Variants in MCCC1 observed in about 807,000 individuals in gnomAD.
The protein encoded by MCCC1 is methylcrotonoyl-CoA carboxylase subunit alpha, mitochondrial.
A neutral mutation model predicts 83.8 loss-of-function variants in MCCC1; 64 were observed. The ratio of observed to expected loss-of-function variants is 0.76; its 90% CI spans 0.62 to 0.94. The LOEUF (loss-of-function observed/expected upper bound fraction) is 0.94, where lower values mean the gene tolerates loss of function less well. Ranked by LOEUF, MCCC1 falls within the 40% of genes least tolerant of loss-of-function variation. The pLI is 0.00. For synonymous variants in MCCC1, 322 were observed against 315.4 expected (o/e 1.02, Z -0.22); for missense variants, 807 against 904.7 (o/e 0.89, Z 1.39).
rs371697943 is a variant in MCCC1, at chr3:183,110,013, G to A, written c.-102+5461C>T. The stretch of plus-strand genomic sequence containing the variant: ...TTTCTCTAATGATTAGTGATATTGA[G>A]AATTTTTTTCATATATTTGTTGGCT... On this transcript the variant is annotated intron_variant, in intron 1 of 17. Coordinates refer to the MCCC1 transcript ENST00000492597. 1.2e-4 allele frequency among the ~76,000 whole-genome samples: 18 copies of A among 152,260 alleles called. No homozygotes were observed. The East Asian group carries it at 2.7e-3, about 23-fold the overall frequency.
chr3:183,044,552 C>G (rs944339108), intron 10 of MCCC1, among the ~76,000 whole-genome samples: 6 of 152,192 alleles, frequency 3.9e-5, no homozygotes, highest in Non-Finnish European at 7.3e-5. Flanking sequence ...CTCCTTGGCT[C>G]TTCATTCCCA....
intron 1 of MCCC1, among the ~76,000 whole-genome samples, chr3:183,110,370 A>C (rs371903018): frequency 2.0e-5 from 3 of 150,218 alleles, no homozygotes; most frequent in African/African-American, 7.4e-5. Flanking sequence ...GGACTTTTAT[A>C]ATTTTAGATC....
intron 4 of MCCC1, among the ~76,000 whole-genome samples, chr3:183,082,865 G>A (rs181148870): frequency 6.6e-6 from 1 of 152,070 alleles, no homozygotes; most frequent in Admixed American, 6.5e-5. Context: ...TGTGCCTACA[G>A]TCCCATCACA....
At chr3:183,076,375 T>C (rs1468579353) in intron 4 of MCCC1, among the ~76,000 whole-genome samples, 2 of 152,204 alleles carry the variant, frequency 1.3e-5, no homozygotes, top group South Asian at 2.1e-4. Flanking sequence ...TCATTTCTTT[T>C]TATAATATGG....
intron 8 of MCCC1, among the ~76,000 whole-genome samples, chr3:183,053,056 C>A (rs1256979396): frequency 1.3e-5 from 2 of 152,042 alleles, no homozygotes; most frequent in African/African-American, 4.8e-5. Context: ...ATGTTATTGA[C>A]CCTGAAAACT....
intron 14 of MCCC1, among the ~76,000 whole-genome samples, chr3:183,028,077 G>GACTC (rs769792777): frequency 6.6e-6 from 1 of 152,202 alleles, no homozygotes; most frequent in Non-Finnish European, 1.5e-5. Flanking sequence ...AGGACAGGCT[G>GACTC]ACTCTCTTTC....
chr3:183,040,235 A>G (rs1713965490), intron 11 of MCCC1, among the ~76,000 whole-genome samples: 1 of 152,050 alleles, frequency 6.6e-6, no homozygotes, highest in African/African-American at 2.4e-5. Flanking sequence ...AATGCTGCCA[A>G]TTTATTTTTA....
At chr3:183,017,513 T>G (rs534645563) in intron 17 of MCCC1, 176 bp from the exon 18 acceptor site, 1 of 632,388 alleles carries the variant, frequency 1.6e-6, no homozygotes, top group South Asian at 1.9e-5. Flanking sequence ...CAGAGGTCCT[T>G]TGTGGTCCAC....
upstream of MCCC1, among the ~76,000 whole-genome samples, chr3:183,104,247 A>G (rs1042638124): frequency 2.0e-5 from 3 of 152,212 alleles, no homozygotes; most frequent in South Asian, 2.1e-4. Flanking sequence ...CTGGGAGCCC[A>G]GGCAGAAGAG....
At chr3:183,115,216 T>C (rs1294785527) in intron 1 of MCCC1, among the ~76,000 whole-genome samples, 5 of 152,048 alleles carry the variant, frequency 3.3e-5, no homozygotes, top group Admixed American at 6.5e-5. Flanking sequence ...AATTCAACAC[T>C]CTCCTCAACC....
At chr3:183,048,345 G>T (rs1263538367) in intron 9 of MCCC1, among the ~76,000 whole-genome samples, 1 of 152,090 alleles carries the variant, frequency 6.6e-6, no homozygotes, top group Non-Finnish European at 1.5e-5. Context: ...AGAGATTGTT[G>T]GAGTAGATTA....
At chr3:183,071,414 GACAA>G in intron 5 of MCCC1, 57 bp from the exon 6 acceptor site, 4 of 1,611,382 alleles carry the variant, frequency 2.5e-6, no homozygotes, top group Non-Finnish European at 3.4e-6. Context: ...TTTCATTCAA[GACAA>G]ACATAAATAT....
intron 1 of MCCC1, among the ~76,000 whole-genome samples, chr3:183,104,741 CAAT>C (rs370026556): frequency 1.1e-4 from 17 of 152,174 alleles, no homozygotes; most frequent in African/African-American, 2.6e-4. Context: ...AAGAGAAATA[CAAT>C]AATAATACAC....
chr3:183,035,370 C>A (rs191382080), intron 13 of MCCC1, among the ~76,000 whole-genome samples: 231 of 152,222 alleles, frequency 1.5e-3, no homozygotes, highest in African/African-American at 5.2e-3. Context: ...ACATTTTAAG[C>A]TTTCCATACA....
intron 4 of MCCC1, among the ~76,000 whole-genome samples, chr3:183,086,372 A>G (rs780041453): frequency 1.4e-4 from 21 of 152,230 alleles, no homozygotes; most frequent in Non-Finnish European, 2.5e-4. Flanking sequence ...CTTGTAATTC[A>G]GAGCCCTACC....
rs57960124 is a variant in MCCC1, at chr3:183,065,210, T to C, written c.761+5789A>G. Among the ~76,000 whole-genome samples the C allele has an allele frequency of 2.2e-3, 333 of 151,234 alleles. 7 individuals are homozygous for C. The East Asian group carries it at 0.051, about 23-fold the overall frequency. ...AGTTATAAACTTTGCTGCAGGTCCCTGAAAAAAAAAAAACTGGATGAGGTT... is the reference window on the plus strand; with the variant it reads ...AGTTATAAACTTTGCTGCAGGTCCCCGAAAAAAAAAAAACTGGATGAGGTT... On this transcript the variant is annotated intron_variant, in intron 7 of 18. Coordinates refer to ENST00000265594, the MANE Select transcript of MCCC1 (RefSeq NM_020166.5).
intron 3 of MCCC1, among the ~76,000 whole-genome samples, chr3:183,091,628 C>A (rs1313488742): frequency 6.6e-6 from 1 of 152,070 alleles, no homozygotes; most frequent in African/African-American, 2.4e-5. Context: ...TCACCCGTAA[C>A]ATTCACAAAC....
intron 15 of MCCC1, 85 bp downstream of exon 15, chr3:183,025,670 G>T (rs1232891886): frequency 1.6e-6 from 2 of 1,222,756 alleles, no homozygotes; most frequent in Non-Finnish European, 2.4e-6. Flanking sequence ...AAGGCTTAAG[G>T]GAAACCAGAG....
chr3:183,114,422 G>A (rs1015427983), intron 1 of MCCC1, among the ~76,000 whole-genome samples: 3 of 152,110 alleles, frequency 2.0e-5, no homozygotes, highest in Non-Finnish European at 4.4e-5. Flanking sequence ...TCAAAGTGTG[G>A]CGTTTTTCTA....
Sources: allele counts gnomAD v4.1 joint callset (sites outside exome capture counted in the v4.1 genomes callset), GRCh38; gene constraint gnomAD v4.1.1; transcripts MANE v1.5; gene names NCBI Gene and HGNC (gene_info 2026-07-23, HGNC 2026-07-21).